The following ATAD2B variants were observed in gnomAD, a reference collection of about 807,000 sequenced individuals.
The protein encoded by ATAD2B is ATPase family AAA domain containing 2B.
ATAD2B carries 40 observed loss-of-function variants against 167.6 expected under a neutral mutation model. The observed-to-expected ratio is 0.24, with a 90% confidence interval of 0.19 to 0.31. The LOEUF (loss-of-function observed/expected upper bound fraction) is 0.31, where lower values mean the gene tolerates loss of function less well. Ranked by LOEUF, ATAD2B falls within the 10% of genes least tolerant of loss-of-function variation. The pLI, the probability that ATAD2B is intolerant of heterozygous loss-of-function variation, is 1.00. For missense variants in ATAD2B, 1,242 were observed against 1,757.2 expected (o/e 0.71, Z 5.24); for synonymous variants, 579 against 596.5 (o/e 0.97, Z 0.43).
At chr2:23,758,449 T>C (rs981189679) in intron 24 of ATAD2B, among the ~76,000 whole-genome samples, 1 of 152,184 alleles carries the variant, frequency 6.6e-6, no homozygotes, top group Non-Finnish European at 1.5e-5. Flanking sequence ...ATGACCACAT[T>C]ACCAGGCTGC....
At chr2:23,699,547 C>T in the ATAD2B span, among the ~76,000 whole-genome samples, 2 of 152,228 alleles carry the variant, frequency 1.3e-5, no homozygotes, top group Non-Finnish European at 1.5e-5. Context: ...AACCCCAAGT[C>T]TGCTTTTCCC....
chr2:23,906,701 T>C (rs1048040804), intron 1 of ATAD2B, among the ~76,000 whole-genome samples: 10 of 151,900 alleles, frequency 6.6e-5, no homozygotes, highest in Non-Finnish European at 1.5e-4. Flanking sequence ...TGATGAACAT[T>C]GATGCAAAAA....
At chr2:23,729,459 T>A in the ATAD2B span, among the ~76,000 whole-genome samples, 1 of 152,168 alleles carries the variant, frequency 6.6e-6, no homozygotes, top group Non-Finnish European at 1.5e-5. Context: ...TAACCTGAAC[T>A]AACTGATGTT....
chr2:23,890,170 G>C (rs979173140), intron 2 of ATAD2B, among the ~76,000 whole-genome samples: 2 of 150,276 alleles, frequency 1.3e-5, no homozygotes, highest in Non-Finnish European at 3.0e-5. Context: ...AGCCGAGATC[G>C]CGCCACTGCA....
At chr2:23,736,468 AAAAGAAAAAC>A in the ATAD2B span, among the ~76,000 whole-genome samples, 20 of 152,226 alleles carry the variant, frequency 1.3e-4, no homozygotes, top group Non-Finnish European at 2.4e-4. Context: ...CTATGCAAGG[AAAAGAAAAAC>A]AAAGAAAAAA....
At position 23,799,436 on chromosome 2, in the gene ATAD2B, G is replaced by A. The variant is rs956155486; in HGVS notation, c.2455-1113C>T. Reference sequence around the variant, plus strand: ...AAAAATCCAAAAATTAGCCAGGTGTGGTGGCACACGCCTGTAGTCCCAGCT... The same window carrying A: ...AAAAATCCAAAAATTAGCCAGGTGTAGTGGCACACGCCTGTAGTCCCAGCT... On this transcript the variant is annotated intron_variant, in intron 18 of 27. Transcript: ENST00000238789. Among the ~76,000 whole-genome samples, 24 of 151,636 alleles carry A rather than the reference G, an allele frequency of 1.6e-4. No individual in the cohort carries two copies. In the South Asian group the frequency reaches 5.0e-3, roughly 32 times the overall value.
intron 19 of ATAD2B, among the ~76,000 whole-genome samples, chr2:23,795,516 CTCAT>C (rs1682461298): frequency 6.6e-6 from 1 of 152,136 alleles, no homozygotes; most frequent in Non-Finnish European, 1.5e-5. Flanking sequence ...CTCTGTGCTA[CTCAT>C]TCATTCACCA....
At chr2:23,734,639 T>C in the ATAD2B span, among the ~76,000 whole-genome samples, 1 of 152,132 alleles carries the variant, frequency 6.6e-6, no homozygotes, top group Admixed American at 6.5e-5. Flanking sequence ...AGGTGCTACA[T>C]GCTTTTAAAC....
chr2:23,799,560 G>A (rs1483849540), intron 18 of ATAD2B, among the ~76,000 whole-genome samples: 1 of 107,442 alleles, frequency 9.3e-6, no homozygotes, highest in Non-Finnish European at 1.7e-5. Flanking sequence ...GAGACAGTGA[G>A]ACTCCATCTC....
intron 8 of ATAD2B, chr2:23,873,008 T>C (rs959106251): frequency 1.0e-5 from 7 of 699,022 alleles, no homozygotes; most frequent in Non-Finnish European, 1.9e-5. Flanking sequence ...AGTTTGTAGG[T>C]GGCCATGGCA....
At chr2:23,719,001 TC>T in the ATAD2B span, among the ~76,000 whole-genome samples, 3 of 152,288 alleles carry the variant, frequency 2.0e-5, no homozygotes, top group East Asian at 5.8e-4. Flanking sequence ...ATCTGCAAAG[TC>T]CCCTTTACCA....
intron 13 of ATAD2B, among the ~76,000 whole-genome samples, chr2:23,839,906 C>T (rs552830060): frequency 1.3e-5 from 2 of 152,202 alleles, no homozygotes; most frequent in South Asian, 2.1e-4. Flanking sequence ...TACTCAACCC[C>T]TAGGGAACCA....
intron 8 of ATAD2B, chr2:23,872,778 ACATCTGATCAATGG>A (rs1696202217): frequency 2.1e-6 from 2 of 932,566 alleles, no homozygotes; most frequent in Non-Finnish European, 3.5e-6. Context: ...ACAGGCAACC[ACATCTGATCAATGG>A]CATCTAGCAC....
intron 1 of ATAD2B, among the ~76,000 whole-genome samples, chr2:23,909,557 T>A (rs1029706385): frequency 6.6e-6 from 1 of 152,070 alleles, no homozygotes; most frequent in South Asian, 2.1e-4. Context: ...GAGTTGTTTA[T>A]ATGTGCATAT....
chr2:23,860,376 C>T (rs1275749993), intron 12 of ATAD2B, among the ~76,000 whole-genome samples: 4 of 152,140 alleles, frequency 2.6e-5, no homozygotes, highest in Non-Finnish European at 5.9e-5. Context: ...CATAGTTAGA[C>T]CTCCCTACTC....
rs542479872 is a variant in ATAD2B at position 23,840,487 on chromosome 2, T to C, written c.1569-6409A>G. Among the ~76,000 whole-genome samples the C allele has an allele frequency of 5.3e-5, 8 of 152,354 alleles. No individual in the cohort carries two copies. The East Asian group carries it at 1.5e-3, about 29-fold the overall frequency. On this transcript the variant is annotated intron_variant, in intron 13 of 27. Transcript: ENST00000238789. ...GTTCACATATTGTTGGCTACGATTTTTGTCTTTACAACACAGGTCATTTAG... is the reference window on the plus strand; with the variant it reads ...GTTCACATATTGTTGGCTACGATTTCTGTCTTTACAACACAGGTCATTTAG...
At chr2:23,892,028 CACT>C (rs1699576587) in intron 2 of ATAD2B, among the ~76,000 whole-genome samples, 1 of 152,166 alleles carries the variant, frequency 6.6e-6, no homozygotes, top group South Asian at 2.1e-4. Context: ...GTCACTTAAC[CACT>C]ACCACTCCTC....
intron 2 of ATAD2B, among the ~76,000 whole-genome samples, chr2:23,892,631 A>G (rs1471887589): frequency 2.0e-5 from 3 of 151,916 alleles, no homozygotes; most frequent in Admixed American, 6.6e-5. Context: ...CGCCTTGCTT[A>G]GCTAATTTTT....
chr2:23,843,942 T>A (rs1691335818), intron 13 of ATAD2B, among the ~76,000 whole-genome samples: 1 of 152,190 alleles, frequency 6.6e-6, no homozygotes, highest in Admixed American at 6.5e-5. Context: ...TCTTTGTTTT[T>A]GTTTTTGTTT....
Sources: gnomAD v4.1 joint callset for allele counts (sites outside exome capture counted in the v4.1 genomes callset) on GRCh38, gnomAD v4.1.1 for gene constraint, MANE v1.5 for transcripts, NCBI Gene and HGNC (gene_info 2026-07-23, HGNC 2026-07-21) for gene names.